The following SLC9A1 variants were observed in gnomAD, a reference collection of about 807,000 sequenced individuals.
SLC9A1 encodes the protein solute carrier family 9 member A1.
A neutral mutation model predicts 67.9 loss-of-function variants in SLC9A1; 22 were observed. That is an observed-to-expected ratio of 0.32 (90% CI 0.23 to 0.46). The LOEUF is 0.46. Among genes scored for constraint, SLC9A1 ranks in the 20% least tolerant of loss-of-function variants. SLC9A1 has a pLI of 1.00. For missense variants in SLC9A1, 686 were observed against 1,094.8 expected (o/e 0.63, Z 5.27); for synonymous variants, 421 against 471.8 (o/e 0.89, Z 1.40).
chr1:27,143,113 T>C (rs1234614636), intron 1 of SLC9A1, among the ~76,000 whole-genome samples: 2 of 147,364 alleles, frequency 1.4e-5, no homozygotes, highest in Non-Finnish European at 3.0e-5. Flanking sequence ...AAATCACATA[T>C]ATACAACTGT....
At chr1:27,112,658 C>T (rs879560311) in intron 2 of SLC9A1, among the ~76,000 whole-genome samples, 2 of 151,676 alleles carry the variant, frequency 1.3e-5, no homozygotes, top group Non-Finnish European at 2.9e-5. Context: ...CTGAGGTGGG[C>T]GGATCACCTG....
At chr1:27,104,235 C>T (rs866665103) in intron 5 of SLC9A1, among the ~76,000 whole-genome samples, 1 of 152,198 alleles carries the variant, frequency 6.6e-6, no homozygotes. Flanking sequence ...GCGGCTGCCA[C>T]CACGCCCAGC....
chr1:27,117,656 C>T (rs1210329385), intron 1 of SLC9A1, among the ~76,000 whole-genome samples: 2 of 152,152 alleles, frequency 1.3e-5, no homozygotes, highest in Non-Finnish European at 2.9e-5. Context: ...CAGAACTGTG[C>T]TGGGAGCCTG....
intron 6 of SLC9A1, 151 bp from the exon 7 acceptor site, chr1:27,102,894 A>G: frequency 1.4e-6 from 1 of 693,820 alleles, no homozygotes; most frequent in Non-Finnish European, 2.5e-6. Context: ...CCCACACTCC[A>G]CTCATCGAAC....
intron 1 of SLC9A1, among the ~76,000 whole-genome samples, chr1:27,130,612 A>G (rs1459573421): frequency 2.6e-5 from 4 of 152,236 alleles, no homozygotes; most frequent in Non-Finnish European, 4.4e-5. Flanking sequence ...GCCCTCCAGC[A>G]CATGCCACTG....
rs1197316075 is a variant in SLC9A1 at position 27,107,791 on chromosome 1, T to C, written c.1139A>G (p.Lys380Arg). The change falls in exon 4 of 12, where the codon AAA (lysine) becomes AGA (arginine). Residue 380 changes from lysine (K) to arginine (R), a missense_variant. Lys to Arg is a conservative substitution (Grantham distance 26, BLOSUM62 2). Coordinates refer to ENST00000263980, the MANE Select transcript of SLC9A1 (RefSeq NM_003047.5). ...NISHKSHTTIKYFLKMWSSVS... is the reference protein window; with the variant it reads ...NISHKSHTTIRYFLKMWSSVS... ...GCTGCTCCACATCTTCAGGAAGTAT[T>C]TGATGGTGGTGTGGGACTTGTGGGA... 6.2e-7 allele frequency: 1 copy of C among 1,609,496 alleles called. No homozygotes were observed. Among genetic ancestry groups the C allele is most frequent in the African/African-American group, 1.3e-5 (1 of 74,884 alleles).
Position 27,107,813 on chromosome 1 carries a change from G to A in SLC9A1, c.1117C>T (p.His373Tyr), listed in dbSNP as rs2124142432. 6.2e-7 allele frequency: 1 copy of A among 1,609,914 alleles called. No homozygotes were observed. Among genetic ancestry groups the A allele is most frequent in the Non-Finnish European group, 8.5e-7 (1 of 1,178,776 alleles). The change falls in exon 4 of 12, where the codon CAC becomes TAC. Residue 373 changes from histidine to tyrosine, a missense_variant. Physicochemically the swap from His to Tyr is moderately conservative, Grantham distance 83. Transcript: ENST00000263980. ...TATTTGATGGTGGTGTGGGACTTGT[G>A]GGAGATGTTGGCCTCCACATAGGGG... The part of the protein sequence containing the change: ...MRPYVEANIS[H>Y]KSHTTIKYFL...
chr1:27,104,772 C>T (rs754681464), intron 5 of SLC9A1, among the ~76,000 whole-genome samples: 1 of 152,050 alleles, frequency 6.6e-6, no homozygotes, highest in Non-Finnish European at 1.5e-5. Flanking sequence ...AAAGATGTAT[C>T]CCATCTAGGG....
chr1:27,115,553 C>A (rs767496613), intron 1 of SLC9A1, among the ~76,000 whole-genome samples: 4 of 152,020 alleles, frequency 2.6e-5, no homozygotes, highest in Non-Finnish European at 4.4e-5. Flanking sequence ...GTGGCTCATG[C>A]CTGTATCCCA....
At position 27,154,485 on chromosome 1, in the gene SLC9A1, T is replaced by C. The variant is rs2083552967; in HGVS notation, c.-151A>G. 1.9e-6 allele frequency: 1 copy of C among 528,776 alleles called. No homozygotes were observed. Among genetic ancestry groups the C allele is most frequent in the Non-Finnish European group, 3.3e-6 (1 of 306,306 alleles). 32.8% of individuals were successfully genotyped at this position (528,776 alleles called of 1,614,324 possible). A position where few individuals can be genotyped will look rare whatever the true frequency, so the allele number is the denominator to read the frequency against. ...AGAGGCATTTCCATGGAAGCAATTT[T>C]CTGGGGGTGGAGGGAGGCTGGGTTT... is the stretch of plus-strand genomic sequence containing the variant. On this transcript the variant is annotated 5_prime_UTR_variant, in exon 1 of 12. Coordinates refer to ENST00000263980, the MANE Select transcript of SLC9A1 (RefSeq NM_003047.5).
At chr1:27,102,765 G>A (rs1337157935) in intron 6 of SLC9A1, 22 bp from the exon 7 acceptor site, 5 of 1,609,596 alleles carry the variant, frequency 3.1e-6, no homozygotes, top group African/African-American at 1.3e-5. Flanking sequence ...CCAGGGCCAA[G>A]TCAAGCCTCG....
chr1:27,144,240 G>C (rs1456983919), intron 1 of SLC9A1, among the ~76,000 whole-genome samples: 1 of 152,128 alleles, frequency 6.6e-6, no homozygotes, highest in Non-Finnish European at 1.5e-5. Flanking sequence ...TGCAGTTTAC[G>C]GCTTGAGGAA....
At chr1:27,134,911 AT>A (rs1183667586) in intron 1 of SLC9A1, among the ~76,000 whole-genome samples, 5 of 138,778 alleles carry the variant, frequency 3.6e-5, no homozygotes, top group African/African-American at 1.4e-4. Context: ...TAATTTTTGT[AT>A]TTTTAGTAGA....
rs192495267 is a variant in SLC9A1, at chr1:27,125,821, G to C, written c.353-11535C>G. On this transcript the variant is annotated intron_variant, in intron 1 of 11. Coordinates refer to ENST00000263980, the MANE Select transcript of SLC9A1 (RefSeq NM_003047.5). ...TTGGCCAGGGTGGTCTCGATCTCTT[G>C]ACCTCGTGATCCGCCCACCTCAGCC... Among the ~76,000 whole-genome samples the C allele has an allele frequency of 2.7e-5, 4 of 150,734 alleles. No homozygotes were observed. In the East Asian group the frequency reaches 7.9e-4, roughly 30 times the overall value.
chr1:27,105,938 C>T lies in SLC9A1; in HGVS notation c.1432G>A (p.Asp478Asn). ...GTGATGATGGCAGTGAGGAACAGGT[C>T]ACACATGGGGAAGTGCTTCTTGTCC... is the stretch of plus-strand genomic sequence containing the variant. ...LLDKKHFPMC[D>N]LFLTAIITVI... Residue 478 changes from aspartate to asparagine, a missense_variant, in exon 5 of 12, where the codon GAC becomes AAC. Asp to Asn is a conservative substitution (Grantham distance 23). This residue lies in a region of SLC9A1 where 168 missense variants were observed against 375.4 expected (regional missense o/e 0.45). Coordinates refer to ENST00000263980, the MANE Select transcript of SLC9A1 (RefSeq NM_003047.5). 1 of 1,613,688 alleles carries T rather than the reference C, an allele frequency of 6.2e-7. No individual in the cohort carries two copies. Among genetic ancestry groups the T allele is most frequent in the African/African-American group, 1.3e-5 (1 of 75,054 alleles).
rs374362940 is a variant in SLC9A1, at chr1:27,114,297, C to G, written c.353-11G>C. On this transcript the variant is annotated splice_polypyrimidine_tract_variant and intron_variant, in intron 1 of 11. Transcript: ENST00000263980. The surrounding 1 kb of genome is among the most constrained non-coding windows in gnomAD (Gnocchi z 5.4). ...GGATCACATGGAAACCTGCGGAGGG[C>G]GAGAGAACGGGAGGCCATGGGCTTT... 6.3e-7 allele frequency: 1 copy of G among 1,598,000 alleles called. No homozygotes were observed. The highest frequency in any genetic ancestry group is 1.3e-5 in the African/African-American group (1 of 74,550).
chr1:27,151,447 G>A (rs974862535), intron 1 of SLC9A1, among the ~76,000 whole-genome samples: 1 of 151,982 alleles, frequency 6.6e-6, no homozygotes, highest in Non-Finnish European at 1.5e-5. Flanking sequence ...TGCAACCTCC[G>A]CCTCCTGGGT....
Position 27,154,106 on chromosome 1 carries a change from A to G in SLC9A1, c.229T>C (p.Ser77Pro). The G allele has an allele frequency of 6.2e-7, 1 of 1,614,068 alleles. No homozygotes were observed. ...VTPESRPVNH[S>P]VTDHGMKPRK... is the part of the protein sequence containing the mutation. The stretch of plus-strand genomic sequence containing the variant: ...GGCTTCATGCCATGATCAGTGACGG[A>G]ATGATTAACAGGGCGGCTCTCTGGG... Residue 77 changes from serine to proline, a missense_variant, in exon 1 of 12, where the codon TCC becomes CCC. Ser to Pro is a moderately conservative substitution (Grantham distance 74). This residue lies in a region of SLC9A1 where 143 missense variants were observed against 166.7 expected (regional missense o/e 0.86). Coordinates refer to ENST00000263980, the MANE Select transcript of SLC9A1 (RefSeq NM_003047.5).
Position 27,100,475 on chromosome 1 carries a change from C to G in SLC9A1, c.2280G>C (p.Gly760=). ...TCTCCTTGCTCCGCATCATGATGCC[C>G]CCATCGTCGTCCTCGTCCTCCTCAG... The part of the protein sequence containing the change: ...KVAEEDEDDD[G]GIMMRSKETS... Residue 760 remains glycine (G), a synonymous_variant, in exon 12 of 12, where the codon GGG becomes GGC. Transcript: ENST00000263980. The surrounding 1 kb of genome is among the most constrained non-coding windows in gnomAD (Gnocchi z 5.6). 1 of 1,614,058 alleles carries G rather than the reference C, an allele frequency of 6.2e-7. No homozygotes were observed. Among genetic ancestry groups the G allele is most frequent in the Non-Finnish European group, 8.5e-7 (1 of 1,179,952 alleles).
Sources: gnomAD v4.1 joint callset for allele counts (sites outside exome capture counted in the v4.1 genomes callset) on GRCh38, gnomAD v4.1.1 for gene constraint, gnomAD v4.1.1 regional missense constraint, Gnocchi (gnomAD v3.1) non-coding constraint, MANE v1.5 for transcripts, NCBI Gene and HGNC (gene_info 2026-07-23, HGNC 2026-07-21) for gene names.